Variants in WWOX observed in about 807,000 individuals in gnomAD.
WWOX encodes WW domain-containing oxidoreductase.
In WWOX, 69 loss-of-function variants were observed where a neutral mutation model predicts 46.2. The ratio of observed to expected loss-of-function variants is 1.49; its 90% CI spans 1.23 to 1.82. WWOX has a LOEUF of 1.82. Ranked by LOEUF, WWOX falls within the 40% of genes most tolerant of loss-of-function variation. The pLI, the probability that WWOX is intolerant of heterozygous loss-of-function variation, is 0.00. For missense variants in WWOX, 919 were observed against 542.6 expected, an observed-to-expected ratio of 1.69 and a Z score of -6.89; for synonymous variants, 359 against 202.6, an observed-to-expected ratio of 1.77 and a Z score of -6.56.
At chr16:78,266,466 C>T (rs915160831) in intron 5 of WWOX, among the ~76,000 whole-genome samples, 3 of 152,138 alleles carry the variant, frequency 2.0e-5, no homozygotes, top group African/African-American at 7.2e-5. Context: ...AGCTTGGCAA[C>T]CCCTACTATC....
chr16:78,632,898 C>CT, intron 8 of WWOX, among the ~76,000 whole-genome samples: 1 of 152,070 alleles, frequency 6.6e-6, no homozygotes, highest in Non-Finnish European at 1.5e-5. Flanking sequence ...TCCACCCCTG[C>CT]TACGTGTAAT....
intron 8 of WWOX, among the ~76,000 whole-genome samples, chr16:78,800,870 C>G (rs545504557): frequency 6.6e-5 from 10 of 152,226 alleles, no homozygotes; most frequent in African/African-American, 2.4e-4. Flanking sequence ...AACACTCAGT[C>G]TGATAGTTTA....
At chr16:78,951,701 C>G (rs957121899) in intron 8 of WWOX, among the ~76,000 whole-genome samples, 2 of 152,110 alleles carry the variant, frequency 1.3e-5, no homozygotes, top group South Asian at 2.1e-4. Context: ...TACCCAGTAC[C>G]GGGGAACCAG....
At chr16:78,202,174 T>C (rs12924899) in intron 5 of WWOX, among the ~76,000 whole-genome samples, 40,462 of 152,120 alleles carry the variant, frequency 0.27, 5,494 homozygotes, top group East Asian at 0.38. Context: ...CCTAGTTGAT[T>C]CCAGACCAGT....
chr16:78,709,564 C>A (rs1207305926), intron 8 of WWOX, among the ~76,000 whole-genome samples: 1 of 152,106 alleles, frequency 6.6e-6, no homozygotes, highest in East Asian at 1.9e-4. Context: ...GAACACTTGC[C>A]TGTCTGCACT....
At chr16:78,322,623 A>C (rs1352212565) in intron 5 of WWOX, among the ~76,000 whole-genome samples, 2 of 152,232 alleles carry the variant, frequency 1.3e-5, no homozygotes, top group Non-Finnish European at 2.9e-5. Flanking sequence ...AATCTTCTGA[A>C]GCAACTCTTC....
intron 5 of WWOX, among the ~76,000 whole-genome samples, chr16:78,207,570 T>C (rs986963595): frequency 9.2e-5 from 14 of 151,954 alleles, no homozygotes. Flanking sequence ...TTCACTCCTT[T>C]AATTGAGAAG....
rs377616672 is a variant in WWOX, at chr16:78,483,698, A to G, written c.1056+50946A>G. On this transcript the variant is annotated intron_variant, in intron 8 of 8. Coordinates refer to ENST00000566780, the MANE Select transcript of WWOX (RefSeq NM_016373.4). The stretch of plus-strand genomic sequence containing the variant: ...TTACTTACTCAATAATGTGTGGCCA[A>G]TCTCACAAGATACTAATTCTTTTTT... 1.8e-3 allele frequency among the ~76,000 whole-genome samples: 278 copies of G among 152,248 alleles called. 2 individuals carry two copies. The highest frequency in any genetic ancestry group is 3.0e-3 in the Non-Finnish European group (205 of 68,020).
intron 8 of WWOX, among the ~76,000 whole-genome samples, chr16:78,510,273 T>G (rs1019010371): frequency 1.2e-4 from 19 of 152,198 alleles, no homozygotes. Flanking sequence ...TGGCGCGATC[T>G]CCACTCACCG....
In WWOX at chr16:78,350,417, C is replaced by A. The variant is rs552046547; in HGVS notation, c.517-36443C>A. On this transcript the variant is annotated intron_variant, in intron 5 of 8. Coordinates refer to ENST00000566780, the MANE Select transcript of WWOX (RefSeq NM_016373.4). ...TATTTTCATTTTCCCAAAAAGAAAC[C>A]CTTGACTGGCATCCTTTTCCCCACT... Among the ~76,000 whole-genome samples, 10 of 120,994 alleles carry A rather than the reference C, an allele frequency of 8.3e-5. No homozygotes were observed. The East Asian group carries it at 1.9e-3, about 23-fold the overall frequency. 79.4% of individuals were successfully genotyped at this position (120,994 alleles called of 152,430 possible). A position where few individuals can be genotyped will look rare whatever the true frequency, so the allele number is the denominator to read the frequency against.
intron 4 of WWOX, among the ~76,000 whole-genome samples, chr16:78,144,474 T>TATATATATACACAC (rs1567596420): frequency 2.9e-5 from 1 of 34,472 alleles, no homozygotes; most frequent in Non-Finnish European, 5.0e-5. Flanking sequence ...CACACATATA[T>TATATATATACACAC]ATATATATAT....
intron 8 of WWOX, among the ~76,000 whole-genome samples, chr16:79,063,453 C>G (rs1043017246): frequency 2.6e-5 from 4 of 152,188 alleles, no homozygotes; most frequent in African/African-American, 9.7e-5. Context: ...AACTTGGTCT[C>G]TGCTATAGGA....
At chr16:78,491,309 A>G (rs779893285) in intron 8 of WWOX, among the ~76,000 whole-genome samples, 10 of 152,150 alleles carry the variant, frequency 6.6e-5, no homozygotes, top group Non-Finnish European at 1.0e-4. Flanking sequence ...TTTCCCCTGG[A>G]TGAGACGCCC....
At chr16:78,908,881 C>T (rs572438772) in intron 8 of WWOX, among the ~76,000 whole-genome samples, 1 of 152,212 alleles carries the variant, frequency 6.6e-6, no homozygotes, top group Non-Finnish European at 1.5e-5. Flanking sequence ...ACATTATCCC[C>T]TGGAGCAATT....
intron 8 of WWOX, among the ~76,000 whole-genome samples, chr16:78,961,784 G>T (rs965873914): frequency 6.6e-6 from 1 of 152,142 alleles, no homozygotes; most frequent in Non-Finnish European, 1.5e-5. Flanking sequence ...AAGTACCTCA[G>T]GTTATCATAG....
intron 8 of WWOX, among the ~76,000 whole-genome samples, chr16:78,950,529 C>CAT (rs1407524569): frequency 2.4e-5 from 2 of 83,638 alleles, no homozygotes; most frequent in East Asian, 3.3e-4. Context: ...CACACACACA[C>CAT]ACATACACAC....
chr16:78,398,707 T>C (rs548660812), intron 6 of WWOX, among the ~76,000 whole-genome samples: 4 of 152,328 alleles, frequency 2.6e-5, no homozygotes, highest in East Asian at 1.9e-4. Context: ...CTACAACTTA[T>C]TAAGATGGTG....
intron 5 of WWOX, among the ~76,000 whole-genome samples, chr16:78,331,611 C>T (rs1006107366): frequency 1.3e-5 from 2 of 152,090 alleles, no homozygotes; most frequent in African/African-American, 4.8e-5. Context: ...TGTGTAAAAT[C>T]AGAGTAATCC....
Position 79,031,856 on chromosome 16 carries a change from A to C in WWOX, c.1057-179752A>C, listed in dbSNP as rs2047763421. On this transcript the variant is annotated intron_variant, in intron 8 of 8. Transcript: ENST00000566780. ...ATATATATATCTTATTATATATTAT[A>C]TATATAGATAGATATCTATATACAG... 2.1e-5 allele frequency among the ~76,000 whole-genome samples: 3 copies of C among 139,754 alleles called. No individual in the cohort carries two copies. The Admixed American group carries it at 2.2e-4, about 10-fold the overall frequency. 91.7% of individuals were successfully genotyped at this position (139,754 alleles called of 152,430 possible).
Sources: gnomAD v4.1 joint callset for allele counts (sites outside exome capture counted in the v4.1 genomes callset) on GRCh38, gnomAD v4.1.1 for gene constraint, MANE v1.5 for transcripts, NCBI Gene and HGNC (gene_info 2026-07-23, HGNC 2026-07-21) for gene names.